Variants in DESI2 observed in about 807,000 individuals in gnomAD.
DESI2 encodes the protein desumoylating isopeptidase 2.
A neutral mutation model predicts 24.1 loss-of-function variants in DESI2; 10 were observed. That is an observed-to-expected ratio of 0.41 (90% confidence interval 0.26 to 0.70). The LOEUF (loss-of-function observed/expected upper bound fraction) is 0.70. Ranked by LOEUF, DESI2 falls within the 30% of genes least tolerant of loss-of-function variation. The probability of loss-of-function intolerance (pLI) is 0.29; values close to 1 mark genes in which losing one functional copy is unlikely to be tolerated. For synonymous variants in DESI2, 71 were observed against 87.7 expected (o/e 0.81, Z 1.06); for missense variants, 122 against 234.9 (o/e 0.52, Z 3.14).
chr1:244,684,278 A>T lies in DESI2; in HGVS notation c.43-2319A>T, dbSNP rs368136873. Reference sequence around the variant, plus strand: ...TTTAACTATAAAAGTAATACTCTTTATCAAATTTAGAAGAACAAACAATCC... The same window carrying T: ...TTTAACTATAAAAGTAATACTCTTTTTCAAATTTAGAAGAACAAACAATCC... On this transcript the variant is annotated intron_variant, in intron 1 of 4. Coordinates refer to ENST00000302550, the MANE Select transcript of DESI2 (RefSeq NM_016076.5). Among the ~76,000 whole-genome samples the T allele has an allele frequency of 2.6e-5, 4 of 152,208 alleles. No individual in the cohort carries two copies. In the East Asian group the frequency reaches 5.8e-4, roughly 22 times the overall value.
chr1:244,687,638 A>G (rs1230330245), intron 2 of DESI2, among the ~76,000 whole-genome samples: 1 of 152,156 alleles, frequency 6.6e-6, no homozygotes, highest in East Asian at 1.9e-4. Flanking sequence ...TTTATATTCC[A>G]TTTTACCTGC....
intron 1 of DESI2, among the ~76,000 whole-genome samples, chr1:244,676,419 TTTAAC>T (rs1381436033): frequency 1.3e-5 from 2 of 152,164 alleles, no homozygotes; most frequent in Admixed American, 6.5e-5. Context: ...CTGCAATGTT[TTTAAC>T]TTATCTATTA....
At chr1:244,695,425 CGG>C (rs1677176467) in intron 4 of DESI2, among the ~76,000 whole-genome samples, 1 of 152,154 alleles carries the variant, frequency 6.6e-6, no homozygotes, top group Non-Finnish European at 1.5e-5. Flanking sequence ...AGGCCAAGGT[CGG>C]GGGATCACAA....
At chr1:244,683,960 C>T (rs2148802486) in intron 1 of DESI2, among the ~76,000 whole-genome samples, 1 of 152,052 alleles carries the variant, frequency 6.6e-6, no homozygotes, top group East Asian at 1.9e-4. Context: ...CCGCCTCAAC[C>T]TCCCAAAGTA....
At chr1:244,657,661 G>A (rs771578493) in intron 1 of DESI2, among the ~76,000 whole-genome samples, 8 of 152,204 alleles carry the variant, frequency 5.3e-5, no homozygotes, top group Non-Finnish European at 8.8e-5. Flanking sequence ...GTGCCATCAA[G>A]AACCAGGACT....
intron 1 of DESI2, among the ~76,000 whole-genome samples, chr1:244,672,130 T>C (rs1294001853): frequency 3.9e-5 from 6 of 152,040 alleles, no homozygotes; most frequent in Non-Finnish European, 8.8e-5. Context: ...GGCCAGGAGT[T>C]TGAGATCAGC....
At chr1:244,677,325 G>A (rs1676446713) in intron 1 of DESI2, among the ~76,000 whole-genome samples, 1 of 152,198 alleles carries the variant, frequency 6.6e-6, no homozygotes, top group African/African-American at 2.4e-5. Context: ...TATATAATTT[G>A]TTGGCATACA....
chr1:244,667,663 A>C (rs1676093340), intron 1 of DESI2, among the ~76,000 whole-genome samples: 1 of 152,242 alleles, frequency 6.6e-6, no homozygotes, highest in African/African-American at 2.4e-5. Flanking sequence ...TAACAGAAGC[A>C]GGCTTGACCA....
chr1:244,701,075 A>C (rs185641166), intron 4 of DESI2, among the ~76,000 whole-genome samples: 8 of 152,264 alleles, frequency 5.3e-5, no homozygotes, highest in African/African-American at 1.7e-4. Context: ...CTATTAAAGC[A>C]CAAGAAGGAA....
At chr1:244,663,149 G>A (rs1231632708) in intron 1 of DESI2, among the ~76,000 whole-genome samples, 1 of 151,976 alleles carries the variant, frequency 6.6e-6, no homozygotes, top group Non-Finnish European at 1.5e-5. Context: ...TTAAAAGTTA[G>A]GACCATTCAA....
At chr1:244,676,214 C>G (rs1162378747) in intron 1 of DESI2, among the ~76,000 whole-genome samples, 3 of 151,892 alleles carry the variant, frequency 2.0e-5, no homozygotes, top group African/African-American at 7.3e-5. Flanking sequence ...GCAGCTGAAA[C>G]TACAGGTGCC....
At position 244,663,411 on chromosome 1, in the gene DESI2, C is replaced by T. The variant is rs1440241072; in HGVS notation, c.42+10056C>T. Among the ~76,000 whole-genome samples the T allele has an allele frequency of 7.9e-5, 12 of 151,948 alleles. No individual in the cohort carries two copies. The South Asian group carries it at 2.3e-3, about 29-fold the overall frequency. ...CAGGATGGTCTCGATCTCCTGACCT[C>T]GTGATCCGCCCACCTCAGCCTCCCA... On this transcript the variant is annotated intron_variant, in intron 1 of 4. Transcript: ENST00000302550.
At chr1:244,665,285 T>C (rs1676003528) in intron 1 of DESI2, among the ~76,000 whole-genome samples, 1 of 152,184 alleles carries the variant, frequency 6.6e-6, no homozygotes, top group Non-Finnish European at 1.5e-5. Context: ...AGTCACGCCA[T>C]AGTGGTAGAG....
At chr1:244,701,562 G>A (rs1307272297) in intron 4 of DESI2, among the ~76,000 whole-genome samples, 1 of 152,146 alleles carries the variant, frequency 6.6e-6, no homozygotes, top group Admixed American at 6.5e-5. Context: ...CAGAGCCAAG[G>A]GCCATAGAAG....
Position 244,653,361 on chromosome 1 carries a change from TGCGGCCCCTG to T in DESI2, c.42+15_42+24del, listed in dbSNP as rs1299832874. ...TGCTCAACGTGTACGACATGGTGAG[TGCGGCCCCTG>T]GCGGCCCCGAGCCCTGGCCCAGGCC... On this transcript the variant is annotated splice_region_variant and intron_variant, in intron 1 of 4. Transcript: ENST00000302550. The T allele has an allele frequency of 1.4e-5, 21 of 1,543,744 alleles. No individual in the cohort carries two copies. Among genetic ancestry groups the T allele is most frequent in the Admixed American group, 4.4e-5 (2 of 45,720 alleles).
rs547060219 is a variant in DESI2 at position 244,706,820 on chromosome 1, G to A, written c.*1031G>A. The A allele has an allele frequency of 3.9e-5, 6 of 152,684 alleles. No individual in the cohort carries two copies. The highest frequency in any genetic ancestry group is 1.9e-4 in the East Asian group (1 of 5,184). The allele number at this position is 152,684 out of a possible 1,614,324, so 9.5% of individuals were successfully genotyped here. ...ACCATGTCAGAAAGAGTATGTTGGC[G>A]TTTGTCATGGGACTCATTTCACATA... On this transcript the variant is annotated 3_prime_UTR_variant, in exon 5 of 5. Transcript: ENST00000302550.
chr1:244,676,967 A>G (rs1376643963), intron 1 of DESI2, among the ~76,000 whole-genome samples: 1 of 150,778 alleles, frequency 6.6e-6, no homozygotes, highest in Non-Finnish European at 1.5e-5. Flanking sequence ...TTCCAGGGAT[A>G]AATCCCACTG....
Position 244,707,285 on chromosome 1 carries a change from T to C in DESI2, c.*1496T>C, listed in dbSNP as rs1212851681. 6.6e-6 allele frequency: 1 copy of C among 152,660 alleles called. No individual in the cohort carries two copies. Among genetic ancestry groups the C allele is most frequent in the Non-Finnish European group, 1.5e-5 (1 of 68,042 alleles). 9.5% of individuals were successfully genotyped at this position (152,660 alleles called of 1,614,324 possible). On this transcript the variant is annotated 3_prime_UTR_variant, in exon 5 of 5. Coordinates refer to ENST00000302550, the MANE Select transcript of DESI2 (RefSeq NM_016076.5). ...TATTTTTAACTTTTCCATAAGCTGA[T>C]TTTGGTTCATTTTATCAACGTAAGC...
chr1:244,677,470 C>T (rs970815642), intron 1 of DESI2, among the ~76,000 whole-genome samples: 4 of 152,218 alleles, frequency 2.6e-5, no homozygotes, highest in African/African-American at 9.6e-5. Flanking sequence ...TTCTGGGGGT[C>T]CTTTCTGAGG....
Sources: allele counts gnomAD v4.1 joint callset (sites outside exome capture counted in the v4.1 genomes callset), GRCh38; gene constraint gnomAD v4.1.1; transcripts MANE v1.5; gene names NCBI Gene and HGNC (gene_info 2026-07-23, HGNC 2026-07-21).